The following PREP variants were observed in gnomAD, a reference collection of about 807,000 sequenced individuals.
PREP encodes dJ355L5.1 (prolyl endopeptidase).
In PREP, 29 loss-of-function variants were observed where a neutral mutation model predicts 87.6. The observed-to-expected ratio is 0.33, with a 90% CI of 0.25 to 0.45. The LOEUF (loss-of-function observed/expected upper bound fraction) is 0.45, where lower values mean the gene tolerates loss of function less well. PREP is among the 20% of genes least tolerant of loss of function. The probability of loss-of-function intolerance (pLI) is 1.00; values close to 1 mark genes in which losing one functional copy is unlikely to be tolerated. For missense variants in PREP, 695 were observed against 886.5 expected, an observed-to-expected ratio of 0.78 and a Z score of 2.74; for synonymous variants, 337 against 328.6, an observed-to-expected ratio of 1.03 and a Z score of -0.28.
chr6:105,400,783 C>T (rs1247423317), intron 1 of PREP, among the ~76,000 whole-genome samples: 4 of 152,166 alleles, frequency 2.6e-5, no homozygotes, highest in Non-Finnish European at 4.4e-5. Flanking sequence ...ATGGTCTCAA[C>T]GCTCCAAAGC....
At chr6:105,388,456 T>C (rs980134641) in intron 2 of PREP, among the ~76,000 whole-genome samples, 1 of 130,960 alleles carries the variant, frequency 7.6e-6, no homozygotes, top group East Asian at 2.2e-4. Flanking sequence ...TCAAAAACCG[T>C]ATTACAGAAA....
intron 7 of PREP, among the ~76,000 whole-genome samples, chr6:105,345,669 T>C (rs912727824): frequency 6.6e-6 from 1 of 152,236 alleles, no homozygotes; most frequent in Admixed American, 6.5e-5. Flanking sequence ...TGGGCTGCTG[T>C]TGTCCTGAAT....
Position 105,276,860 on chromosome 6 carries a change from A to C in PREP, c.*1284T>G, listed in dbSNP as rs1203699064. Among the ~76,000 whole-genome samples, 1 of 152,238 alleles carries C rather than the reference A, an allele frequency of 6.6e-6. No homozygotes were observed. The highest frequency in any genetic ancestry group is 1.5e-5 in the Non-Finnish European group (1 of 68,038). On this transcript the variant is annotated 3_prime_UTR_variant, in exon 15 of 15. Coordinates refer to ENST00000652536, the MANE Select transcript of PREP (RefSeq NM_002726.5). Reference sequence around the variant, plus strand: ...AGAGTGCTCTTAAAAGCACATACATATACAACTTGGAAGATGGGACTTACT... The same window carrying C: ...AGAGTGCTCTTAAAAGCACATACATCTACAACTTGGAAGATGGGACTTACT...
At chr6:105,332,883 A>G (rs955589151) in intron 8 of PREP, among the ~76,000 whole-genome samples, 36 of 152,222 alleles carry the variant, frequency 2.4e-4, no homozygotes, top group African/African-American at 7.5e-4. Context: ...CCCTTTTCTA[A>G]TAAGAGGGCT....
chr6:105,382,914 A>G (rs1369748105), intron 2 of PREP, among the ~76,000 whole-genome samples: 2 of 152,232 alleles, frequency 1.3e-5, no homozygotes, highest in African/African-American at 4.8e-5. Context: ...TGGTTAAGCA[A>G]CTATCAGGGG....
intron 7 of PREP, among the ~76,000 whole-genome samples, chr6:105,334,491 G>A (rs899203316): frequency 1.3e-5 from 2 of 152,144 alleles, no homozygotes; most frequent in Non-Finnish European, 2.9e-5. Flanking sequence ...TGCCAGGGAA[G>A]GCAGATCACT....
chr6:105,347,332 T>C (rs1350478719), intron 7 of PREP, among the ~76,000 whole-genome samples: 1 of 152,208 alleles, frequency 6.6e-6, no homozygotes, highest in Non-Finnish European at 1.5e-5. Flanking sequence ...TCATTACAAG[T>C]GCCCAACACA....
chr6:105,356,293 G>A (rs764416808), intron 6 of PREP, among the ~76,000 whole-genome samples: 64 of 152,294 alleles, frequency 4.2e-4, no homozygotes, highest in Admixed American at 2.5e-3. Flanking sequence ...TAGCTTCTCT[G>A]AGGTCTAAGT....
intron 10 of PREP, among the ~76,000 whole-genome samples, chr6:105,290,484 AGGTCCAG>A (rs1016579048): frequency 2.0e-5 from 3 of 151,764 alleles, no homozygotes; most frequent in African/African-American, 7.2e-5. Context: ...TTTCAAATCC[AGGTCCAG>A]CTGAATTCTC....
chr6:105,292,923 G>A (rs1370414961), intron 10 of PREP, among the ~76,000 whole-genome samples: 3 of 152,066 alleles, frequency 2.0e-5, no homozygotes, highest in East Asian at 1.9e-4. Flanking sequence ...CTGCAGCTTC[G>A]TCACCTCTCT....
chr6:105,308,169 G>T (rs1258225403), intron 10 of PREP, among the ~76,000 whole-genome samples: 1 of 151,942 alleles, frequency 6.6e-6, no homozygotes, highest in African/African-American at 2.4e-5. Flanking sequence ...ATGCATGAAA[G>T]AAGCTATTTT....
intron 9 of PREP, 99 bp from the exon 10 acceptor site, chr6:105,323,867 G>C (rs1022551579): frequency 1.1e-5 from 11 of 1,015,208 alleles, no homozygotes; most frequent in East Asian, 2.5e-5. Flanking sequence ...AATGGCAAGA[G>C]AGGATCATTT....
At chr6:105,359,894 C>A (rs1443372551) in intron 6 of PREP, among the ~76,000 whole-genome samples, 1 of 152,160 alleles carries the variant, frequency 6.6e-6, no homozygotes, top group Non-Finnish European at 1.5e-5. Flanking sequence ...CCCTCTGCTG[C>A]GATCGTTCGT....
chr6:105,298,363 A>C (rs1438189154), intron 10 of PREP: 1 of 152,534 alleles, frequency 6.6e-6, no homozygotes, highest in Non-Finnish European at 1.5e-5. Context: ...GGCCTTGGGC[A>C]GCAAAACAGC....
Position 105,285,678 on chromosome 6 carries a change from T to C in PREP, c.1455-98A>G. On this transcript the variant is annotated intron_variant, in intron 11 of 14. Coordinates refer to ENST00000652536, the MANE Select transcript of PREP (RefSeq NM_002726.5). ...AAAAAGTGTATGCCCAACAACACTC[T>C]GAGTAATATCATCTCAATAGGAGCT... The C allele has an allele frequency of 3.4e-6, 3 of 892,500 alleles. No individual in the cohort carries two copies. In the South Asian group the frequency reaches 4.3e-5, roughly 13 times the overall value. The allele number at this position is 892,500 out of a possible 1,614,324, so 55.3% of individuals were successfully genotyped here.
intron 10 of PREP, 113 bp from the exon 11 acceptor site, chr6:105,289,007 A>G: frequency 9.4e-7 from 1 of 1,066,376 alleles, no homozygotes. Context: ...AGCACAGTGA[A>G]AACCTAGTAC....
intron 10 of PREP, among the ~76,000 whole-genome samples, chr6:105,307,157 C>T (rs1770673600): frequency 6.6e-6 from 1 of 152,218 alleles, no homozygotes. Flanking sequence ...ACTCTGGATG[C>T]TTACAGCTTC....
intron 1 of PREP, among the ~76,000 whole-genome samples, chr6:105,398,563 A>C (rs1294643172): frequency 6.6e-6 from 1 of 152,174 alleles, no homozygotes; most frequent in Non-Finnish European, 1.5e-5. Context: ...CACTGTTTAC[A>C]AAAAGAAGGT....
In PREP at chr6:105,278,376, A is replaced by T; in HGVS notation, c.1901T>A (p.Leu634Gln). ...GTCATCATGGTCAGCAGTGAGGAGC[A>T]GCATGGACGGGTACTGGATGTCATC... is the stretch of plus-strand genomic sequence containing the variant. ...EADDIQYPSMLLLTADHDDRV... is the reference protein window; with the variant it reads ...EADDIQYPSMQLLTADHDDRV... Residue 634 changes from leucine to glutamine, a missense_variant, in exon 15 of 15, where the codon CTG becomes CAG. Around this residue, in one of 5 missense-constraint regions of PREP, gnomAD observed 121 missense variants for 154.8 expected, o/e 0.78. Coordinates refer to ENST00000652536, the MANE Select transcript of PREP (RefSeq NM_002726.5). The surrounding 1 kb of genome is among the most constrained non-coding windows in gnomAD (Gnocchi z 4.2). The T allele has an allele frequency of 6.2e-7, 1 of 1,614,238 alleles. No homozygotes were observed. The highest frequency in any genetic ancestry group is 8.5e-7 in the Non-Finnish European group (1 of 1,180,014).
Sources: gnomAD v4.1 joint callset for allele counts (sites outside exome capture counted in the v4.1 genomes callset) on GRCh38, gnomAD v4.1.1 for gene constraint, gnomAD v4.1.1 regional missense constraint, Gnocchi (gnomAD v3.1) non-coding constraint, MANE v1.5 for transcripts, NCBI Gene and HGNC (gene_info 2026-07-23, HGNC 2026-07-21) for gene names.